PTPRD: variants seen among roughly 807,000 people sequenced by gnomAD.
The protein encoded by PTPRD is receptor-type tyrosine-protein phosphatase delta.
In PTPRD, 34 loss-of-function variants were observed where a neutral mutation model predicts 214.5. The ratio of observed to expected loss-of-function variants is 0.16; its 90% CI spans 0.12 to 0.21. The LOEUF is 0.21. PTPRD is among the 10% of genes least tolerant of loss of function. PTPRD has a pLI of 1.00. For synonymous variants in PTPRD, 1,128 were observed against 845.7 expected (o/e 1.33, Z -5.79); for missense variants, 2,545 against 2,398.7 (o/e 1.06, Z -1.27).
At chr9:9,880,682 A>G (rs2068394327) in intron 5 of PTPRD, among the ~76,000 whole-genome samples, 1 of 152,170 alleles carries the variant, frequency 6.6e-6, no homozygotes, top group Non-Finnish European at 1.5e-5. Flanking sequence ...CACACTGAGC[A>G]GTAATTATTA....
chr9:10,547,038 C>T (rs2060313805), intron 2 of PTPRD, among the ~76,000 whole-genome samples: 3 of 151,974 alleles, frequency 2.0e-5, no homozygotes, highest in Admixed American at 2.0e-4. Flanking sequence ...CACCAAGACT[C>T]CAATATAATA....
In PTPRD at chr9:9,486,150, C is replaced by CAAAAAAAAAAAAAA. The variant is rs71319226; in HGVS notation, c.-237+88568_-237+88581dup. On this transcript the variant is annotated intron_variant, in intron 8 of 45. Transcript: ENST00000381196. ...TGGGCAACAGAGCAAGACTCTCTCT[C>CAAAAAAAAAAAAAA]AAAAAAAAAAAAAAAAAAAAAAAAA... Among the ~76,000 whole-genome samples, 7 of 30,166 alleles carry CAAAAAAAAAAAAAA rather than the reference C, an allele frequency of 2.3e-4. 1 individual carries two copies. The highest frequency in any genetic ancestry group is 4.5e-4 in the African/African-American group (3 of 6,682). 19.8% of individuals were successfully genotyped at this position (30,166 alleles called of 152,430 possible).
chr9:10,280,356 A>T (rs78533203), intron 3 of PTPRD, among the ~76,000 whole-genome samples: 3,112 of 142,118 alleles, frequency 0.022, 124 homozygotes, highest in African/African-American at 0.079. Context: ...TAAATACATA[A>T]ACACCACACA....
chr9:8,728,043 T>G (rs922493661), intron 12 of PTPRD, among the ~76,000 whole-genome samples: 1 of 151,572 alleles, frequency 6.6e-6, no homozygotes, highest in African/African-American at 2.4e-5. Flanking sequence ...AGGTCGGGAG[T>G]TCGAGACCAG....
intron 11 of PTPRD, among the ~76,000 whole-genome samples, chr9:8,957,639 C>T (rs116575590): frequency 3.3e-5 from 5 of 152,000 alleles, no homozygotes; most frequent in Non-Finnish European, 1.5e-5. Flanking sequence ...CTATTGTAAG[C>T]TCTTCAAAGA....
intron 28 of PTPRD, 108 bp downstream of exon 28, chr9:8,485,654 G>A (rs2096985530): frequency 2.0e-6 from 2 of 1,006,314 alleles, no homozygotes; most frequent in South Asian, 1.7e-5. Flanking sequence ...TGTTTTTGCT[G>A]AACCTATTAA....
intron 11 of PTPRD, among the ~76,000 whole-genome samples, chr9:8,824,708 T>A (rs1483072746): frequency 6.6e-6 from 1 of 152,214 alleles, no homozygotes; most frequent in Non-Finnish European, 1.5e-5. Context: ...AGAATTAGAA[T>A]ACTGATCCAG....
At chr9:8,757,862 G>C (rs1012274246) in intron 11 of PTPRD, among the ~76,000 whole-genome samples, 1 of 152,060 alleles carries the variant, frequency 6.6e-6, no homozygotes, top group Admixed American at 6.6e-5. Context: ...TGTATGGCAT[G>C]AGACATTTCT....
intron 4 of PTPRD, among the ~76,000 whole-genome samples, chr9:9,956,604 A>G (rs1318735458): frequency 6.6e-6 from 1 of 152,162 alleles, no homozygotes; most frequent in Non-Finnish European, 1.5e-5. Flanking sequence ...TTAATCTAGT[A>G]TTAAATACTT....
At chr9:10,185,195 C>G (rs1382455678) in intron 3 of PTPRD, among the ~76,000 whole-genome samples, 1 of 152,124 alleles carries the variant, frequency 6.6e-6, no homozygotes, top group African/African-American at 2.4e-5. Context: ...GAGGTCCCAG[C>G]TGTTTGTGAA....
chr9:8,483,339 T>A (rs1203154330), intron 30 of PTPRD, among the ~76,000 whole-genome samples: 2 of 152,218 alleles, frequency 1.3e-5, no homozygotes, highest in African/African-American at 4.8e-5. Context: ...ATTATCTAAT[T>A]TCCCCCCCTT....
In PTPRD at chr9:9,275,148, ATATAT is replaced by A. The variant is rs1256304514; in HGVS notation, c.-202-91790_-202-91786del. ...ATATATTATATATAATATATATATA[ATATAT>A]TATATATATAACATATATATAATAT... On this transcript the variant is annotated intron_variant, in intron 9 of 45. Coordinates refer to ENST00000381196, the MANE Select transcript of PTPRD (RefSeq NM_002839.4). 1.0e-3 allele frequency among the ~76,000 whole-genome samples: 60 copies of A among 60,280 alleles called. 1 individual carries two copies. The highest frequency in any genetic ancestry group is 4.8e-3 in the African/African-American group (54 of 11,354). The allele number at this position is 60,280 out of a possible 152,430, so 39.5% of individuals were successfully genotyped here.
intron 11 of PTPRD, among the ~76,000 whole-genome samples, chr9:8,868,848 G>C (rs1164184642): frequency 6.6e-6 from 1 of 152,112 alleles, no homozygotes; most frequent in Non-Finnish European, 1.5e-5. Context: ...AACCTCCACT[G>C]TGTGTGAGGT....
At chr9:10,305,967 A>G (rs1157253728) in intron 3 of PTPRD, among the ~76,000 whole-genome samples, 1 of 152,064 alleles carries the variant, frequency 6.6e-6, no homozygotes, top group Non-Finnish European at 1.5e-5. Flanking sequence ...AAAGACATAT[A>G]CACATATATG....
intron 5 of PTPRD, among the ~76,000 whole-genome samples, chr9:9,869,894 A>T (rs2064991837): frequency 1.3e-5 from 2 of 152,096 alleles, no homozygotes; most frequent in Non-Finnish European, 1.5e-5. Context: ...GTGGGAAAAC[A>T]ATTAGAGAAC....
chr9:8,866,926 A>G (rs2098207976), intron 11 of PTPRD, among the ~76,000 whole-genome samples: 1 of 152,180 alleles, frequency 6.6e-6, no homozygotes, highest in Non-Finnish European at 1.5e-5. Flanking sequence ...ATATTTAATG[A>G]CCAGTTCGAT....
chr9:8,470,917 A>G, intron 31 of PTPRD, 78 bp downstream of exon 31: 1 of 1,267,300 alleles, frequency 7.9e-7, no homozygotes, highest in Non-Finnish European at 1.1e-6. Flanking sequence ...AGATCCTGAA[A>G]GGCCTCCAAG....
At chr9:9,503,716 G>A (rs1055277738) in intron 8 of PTPRD, among the ~76,000 whole-genome samples, 1 of 151,620 alleles carries the variant, frequency 6.6e-6, no homozygotes, top group African/African-American at 2.4e-5. Context: ...CTAACAAAAA[G>A]TAAATATATA....
chr9:8,776,295 A>G lies in PTPRD; in HGVS notation c.-103-42349T>C, dbSNP rs540651026. ...TCAAAGTTAAACTAGACACCTCAAA[A>G]GTAGGCATTTTTGTTTTTATTTTTG... is the stretch of plus-strand genomic sequence containing the variant. On this transcript the variant is annotated intron_variant, in intron 11 of 45. Coordinates refer to ENST00000381196, the MANE Select transcript of PTPRD (RefSeq NM_002839.4). Among the ~76,000 whole-genome samples, 31 of 152,280 alleles carry G rather than the reference A, an allele frequency of 2.0e-4. No individual in the cohort carries two copies. In the South Asian group the frequency reaches 6.4e-3, roughly 32 times the overall value.
Sources: gnomAD v4.1 joint callset for allele counts (sites outside exome capture counted in the v4.1 genomes callset) on GRCh38, gnomAD v4.1.1 for gene constraint, MANE v1.5 for transcripts, NCBI Gene and HGNC (gene_info 2026-07-23, HGNC 2026-07-21) for gene names.